Variants in NTSR1 observed in about 807,000 individuals in gnomAD.
NTSR1 encodes neurotensin receptor type 1.
NTSR1 carries 29 observed loss-of-function variants against 31.2 expected under a neutral mutation model. The observed-to-expected ratio is 0.93, with a 90% CI of 0.69 to 1.27. The LOEUF is 1.27. Ranked by LOEUF, NTSR1 falls within the 50% of genes most tolerant of loss-of-function variation. The pLI, the probability that NTSR1 is intolerant of heterozygous loss-of-function variation, is 0.00. For synonymous variants in NTSR1, 282 were observed against 269.9 expected (o/e 1.04, Z -0.44); for missense variants, 697 against 595.4 (o/e 1.17, Z -1.78).
chr20:62,744,898 C>T lies in NTSR1; in HGVS notation c.715-9787C>T, dbSNP rs1989271616. Reference sequence around the variant, plus strand: ...CTCAAACGCCATTCCCAGACCCAGACAGGGCTAGGAGGCAAGGGGTAGCAG... The same window carrying T: ...CTCAAACGCCATTCCCAGACCCAGATAGGGCTAGGAGGCAAGGGGTAGCAG... On this transcript the variant is annotated intron_variant, in intron 1 of 3. Transcript: ENST00000370501. The surrounding 1 kb of genome is among the most constrained non-coding windows in gnomAD (Gnocchi z 4.1). Among the ~76,000 whole-genome samples the T allele has an allele frequency of 6.6e-6, 1 of 152,196 alleles. No individual in the cohort carries two copies. Among genetic ancestry groups the T allele is most frequent in the South Asian group, 2.1e-4 (1 of 4,832 alleles).
intron 1 of NTSR1, among the ~76,000 whole-genome samples, chr20:62,724,853 C>A (rs544827901): frequency 6.6e-6 from 1 of 152,348 alleles, no homozygotes; most frequent in Admixed American, 6.5e-5. Flanking sequence ...CCGAATCGCT[C>A]CTTTCTCTGC....
Position 62,741,069 on chromosome 20 carries a change from C to A in NTSR1, c.715-13616C>A, listed in dbSNP as rs1353443985. On this transcript the variant is annotated intron_variant, in intron 1 of 3. Transcript: ENST00000370501. This position sits in a 1 kb window ranked among gnomAD's most constrained non-coding sequence, Gnocchi z 4.3. Reference sequence around the variant, plus strand: ...GGCTGAGGGCCAGGGGCCTCCCCTCCTCCTGTCCTGGAGGGCACCTGCCCA... The same window carrying A: ...GGCTGAGGGCCAGGGGCCTCCCCTCATCCTGTCCTGGAGGGCACCTGCCCA... 2.0e-5 allele frequency among the ~76,000 whole-genome samples: 3 copies of A among 152,232 alleles called. No individual in the cohort carries two copies. Among genetic ancestry groups the A allele is most frequent in the Admixed American group, 2.0e-4 (3 of 15,290 alleles).
intron 2 of NTSR1, 99 bp downstream of exon 2, chr20:62,754,985 A>G: frequency 2.5e-6 from 3 of 1,220,032 alleles, no homozygotes; most frequent in Admixed American, 2.3e-5. Context: ...GTTTAAAGAC[A>G]TAGGGATGGA....
rs1988614210 is a variant in NTSR1, at chr20:62,711,557, ACTCAGACCCCCGATCCCCCCG to A, written c.714+1643_714+1663del. On this transcript the variant is annotated intron_variant, in intron 1 of 3. Transcript: ENST00000370501. This position sits in a 1 kb window ranked among gnomAD's most constrained non-coding sequence, Gnocchi z 6.4. The stretch of plus-strand genomic sequence containing the variant: ...CCCCACTCAGACCCCGGATCCCCCC[ACTCAGACCCCCGATCCCCCCG>A]CTCAGATCCCCGATCCCCCCGCTCA... 9.6e-5 allele frequency among the ~76,000 whole-genome samples: 2 copies of A among 20,798 alleles called. No individual in the cohort carries two copies. The highest frequency in any genetic ancestry group is 4.1e-4 in the African/African-American group (2 of 4,830). 13.6% of individuals were successfully genotyped at this position (20,798 alleles called of 152,430 possible). A position where few individuals can be genotyped will look rare whatever the true frequency, so the allele number is the denominator to read the frequency against.
At chr20:62,726,014 C>T (rs1010761117) in intron 1 of NTSR1, among the ~76,000 whole-genome samples, 1 of 152,186 alleles carries the variant, frequency 6.6e-6, no homozygotes, top group Admixed American at 6.5e-5. Context: ...TGTCCCTGCC[C>T]TGGGGCTTGA....
Position 62,741,215 on chromosome 20 carries a change from C to T in NTSR1, c.715-13470C>T, listed in dbSNP as rs1027565674. Among the ~76,000 whole-genome samples, 30 of 151,994 alleles carry T rather than the reference C, an allele frequency of 2.0e-4. No homozygotes were observed. The highest frequency in any genetic ancestry group is 1.0e-4 in the Non-Finnish European group (7 of 67,886). On this transcript the variant is annotated intron_variant, in intron 1 of 3. Coordinates refer to ENST00000370501, the MANE Select transcript of NTSR1 (RefSeq NM_002531.3). The surrounding 1 kb of genome is among the most constrained non-coding windows in gnomAD (Gnocchi z 4.3). ...GCTAAGTCAGGGGTCTCCCGGCAGC[C>T]AGGCTGCTGCCAGTCCCGCAGCTCA... is the stretch of plus-strand genomic sequence containing the variant.
intron 1 of NTSR1, among the ~76,000 whole-genome samples, chr20:62,747,702 T>C (rs1158066268): frequency 6.6e-6 from 1 of 152,112 alleles, no homozygotes; most frequent in African/African-American, 2.4e-5. Context: ...AGAAGTAAAA[T>C]TGTCTCTGCA....
chr20:62,737,049 T>C (rs1163584715), intron 1 of NTSR1, among the ~76,000 whole-genome samples: 1 of 152,238 alleles, frequency 6.6e-6, no homozygotes, highest in East Asian at 1.9e-4. Flanking sequence ...TGTGAGTCAA[T>C]TCAACCTCTT....
intron 1 of NTSR1, among the ~76,000 whole-genome samples, chr20:62,750,467 G>T: frequency 6.6e-6 from 1 of 152,086 alleles, no homozygotes; most frequent in Non-Finnish European, 1.5e-5. Context: ...GAGGCGGGTG[G>T]ATCACGAGGT....
Position 62,760,499 on chromosome 20 carries a change from C to A in NTSR1, c.*232C>A. ...CCCTCCCCCATCTCCTCTTTGAAAG[C>A]CAGAACAAGAGAGCGCTCCTCTCCC... is the stretch of plus-strand genomic sequence containing the variant. On this transcript the variant is annotated 3_prime_UTR_variant, in exon 4 of 4. Transcript: ENST00000370501. 2.0e-6 allele frequency: 1 copy of A among 500,252 alleles called. No homozygotes were observed. The highest frequency in any genetic ancestry group is 3.5e-6 in the Non-Finnish European group (1 of 283,146). The allele number at this position is 500,252 out of a possible 1,614,324, so 31.0% of individuals were successfully genotyped here.
chr20:62,723,889 C>T (rs534072215), intron 1 of NTSR1, among the ~76,000 whole-genome samples: 1 of 152,310 alleles, frequency 6.6e-6, no homozygotes, highest in Admixed American at 6.5e-5. Context: ...CACGCTGACC[C>T]CCTGGGTGGT....
At chr20:62,720,438 T>C (rs7271253) in intron 1 of NTSR1, among the ~76,000 whole-genome samples, 9,544 of 152,324 alleles carry the variant, frequency 0.063, 668 homozygotes, top group African/African-American at 0.18. Flanking sequence ...GATTTATTTG[T>C]GGTATTCTGT....
At chr20:62,726,293 C>T (rs1401246373) in intron 1 of NTSR1, among the ~76,000 whole-genome samples, 1 of 152,236 alleles carries the variant, frequency 6.6e-6, no homozygotes, top group African/African-American at 2.4e-5. Context: ...CTCCAGCCTC[C>T]AAGAGCCGGC....
chr20:62,726,557 G>A (rs986521753), intron 1 of NTSR1, among the ~76,000 whole-genome samples: 12 of 152,166 alleles, frequency 7.9e-5, no homozygotes, highest in African/African-American at 2.9e-4. Context: ...GATTGCCTGG[G>A]CATGCTGGCT....
chr20:62,727,219 T>A (rs1988923299), intron 1 of NTSR1, among the ~76,000 whole-genome samples: 1 of 152,038 alleles, frequency 6.6e-6, no homozygotes, highest in African/African-American at 2.4e-5. Context: ...TGAGCCGGGC[T>A]CCTGCAGGCT....
Position 62,758,339 on chromosome 20 carries a change from GGAT to G in NTSR1, c.993_995del (p.Asp331del). The G allele has an allele frequency of 6.2e-7, 1 of 1,613,698 alleles. No individual in the cohort carries two copies. The highest frequency in any genetic ancestry group is 8.5e-7 in the Non-Finnish European group (1 of 1,179,962). ...GGCGCCTCATGTTCTGCTACATCTC[GGAT>G]GAGCAGTGGACTCCGTGAGTACCGG... On this transcript the variant is annotated inframe_deletion, in exon 3 of 4. Coordinates refer to ENST00000370501, the MANE Select transcript of NTSR1 (RefSeq NM_002531.3). The surrounding 1 kb of genome is among the most constrained non-coding windows in gnomAD (Gnocchi z 4.5).
At chr20:62,749,977 T>C (rs1344185307) in intron 1 of NTSR1, among the ~76,000 whole-genome samples, 1 of 152,114 alleles carries the variant, frequency 6.6e-6, no homozygotes, top group Non-Finnish European at 1.5e-5. Context: ...GGAATCCGGA[T>C]CTTGAAAAGA....
Position 62,754,751 on chromosome 20 carries a change from A to C in NTSR1, c.781A>C (p.Asn261His), listed in dbSNP as rs1220981831. Residue 261 changes from asparagine to histidine, a missense_variant, in exon 2 of 4, where the codon AAC (asparagine) becomes CAC (histidine). Physicochemically the swap from Asn to His is moderately conservative, Grantham distance 68. Transcript: ENST00000370501. ...CTCGGTCCTGAACACCATCATCGCC[A>C]ACAAGCTGACCGTCATGGTACGCCA... ...VISVLNTIIA[N>H]KLTVMVRQAA... 1 of 1,612,834 alleles carries C rather than the reference A, an allele frequency of 6.2e-7. No individual in the cohort carries two copies. The highest frequency in any genetic ancestry group is 1.1e-5 in the South Asian group (1 of 91,088).
chr20:62,739,797 G>A (rs1275263762), intron 1 of NTSR1, among the ~76,000 whole-genome samples: 1 of 152,286 alleles, frequency 6.6e-6, no homozygotes, highest in Non-Finnish European at 1.5e-5. Flanking sequence ...AAAGCACACA[G>A]AGAACCGTGG....
Sources: gnomAD v4.1 joint callset for allele counts (sites outside exome capture counted in the v4.1 genomes callset) on GRCh38, gnomAD v4.1.1 for gene constraint, Gnocchi (gnomAD v3.1) non-coding constraint, MANE v1.5 for transcripts, NCBI Gene and HGNC (gene_info 2026-07-23, HGNC 2026-07-21) for gene names.